The following TRAPPC8 variants were observed in gnomAD, a reference collection of about 807,000 sequenced individuals.
TRAPPC8 encodes trafficking protein particle complex subunit 8, also known as general sporulation gene 1 homolog.
TRAPPC8 carries 54 observed loss-of-function variants against 174.3 expected under a neutral mutation model. The observed-to-expected ratio is 0.31, with a 90% CI of 0.25 to 0.39. The LOEUF is 0.39. Ranked by LOEUF, TRAPPC8 falls within the 10% of genes least tolerant of loss-of-function variation. The probability of loss-of-function intolerance (pLI) is 1.00; values close to 1 mark genes in which losing one functional copy is unlikely to be tolerated. For synonymous variants in TRAPPC8, 630 were observed against 579.9 expected (o/e 1.09, Z -1.24); for missense variants, 1,531 against 1,699.1 (o/e 0.90, Z 1.74).
chr18:31,907,261 G>T (rs1204435942), intron 9 of TRAPPC8, among the ~76,000 whole-genome samples, 199 bp downstream of exon 9: 1 of 152,094 alleles, frequency 6.6e-6, no homozygotes, highest in African/African-American at 2.4e-5. Flanking sequence ...GGAACTACAG[G>T]CATGTGCCAC....
At chr18:31,831,714 T>C (rs972024537) in intron 28 of TRAPPC8, among the ~76,000 whole-genome samples, 10 of 152,168 alleles carry the variant, frequency 6.6e-5, no homozygotes, top group Admixed American at 1.3e-4. Context: ...AGGTGTGTGT[T>C]TGGATTTCAG....
In TRAPPC8 at chr18:31,872,462, T is replaced by C. The variant is rs137955599; in HGVS notation, c.2062+968A>G. Among the ~76,000 whole-genome samples, 1,161 of 152,066 alleles carry C rather than the reference T, an allele frequency of 7.6e-3. 15 individuals carry two copies. Among genetic ancestry groups the C allele is most frequent in the African/African-American group, 0.027 (1,103 of 41,506 alleles). On this transcript the variant is annotated intron_variant, in intron 14 of 28. Transcript: ENST00000283351. ...ATACGATTTTTTTTTTTTGAGACAG[T>C]CTTGCTGGAGCGCAGTGGCGAGATC...
chr18:31,892,081 C>T (rs1356361341), intron 11 of TRAPPC8, among the ~76,000 whole-genome samples: 2 of 151,952 alleles, frequency 1.3e-5, no homozygotes, highest in Non-Finnish European at 2.9e-5. Flanking sequence ...AGCTTGGGAG[C>T]CTATTTTATT....
intron 1 of TRAPPC8, among the ~76,000 whole-genome samples, chr18:31,941,578 G>GC (rs1555684431): frequency 3.3e-5 from 5 of 151,978 alleles, no homozygotes; most frequent in Non-Finnish European, 7.4e-5. Flanking sequence ...TCCAAACTTT[G>GC]TTTTTTTGGA....
At chr18:31,866,602 G>GA (rs1284300152) in intron 18 of TRAPPC8, among the ~76,000 whole-genome samples, 1 of 151,964 alleles carries the variant, frequency 6.6e-6, no homozygotes, top group African/African-American at 2.4e-5. Context: ...ATCAGTGACA[G>GA]AAAAAAATAC....
intron 12 of TRAPPC8, among the ~76,000 whole-genome samples, chr18:31,884,360 G>A (rs761604285): frequency 2.6e-5 from 4 of 152,158 alleles, no homozygotes; most frequent in Non-Finnish European, 4.4e-5. Flanking sequence ...AAATACCAGC[G>A]TGTGCTAAAA....
Position 31,907,456 on chromosome 18 carries a change from C to T in TRAPPC8, c.1389+4G>A. The stretch of plus-strand genomic sequence containing the variant: ...AAGGAATTATAATACCATAGAATAC[C>T]AACCAAGGCACCAGCTGCATAAAGC... On this transcript the variant is annotated splice_donor_region_variant and intron_variant, in intron 9 of 28. Coordinates refer to ENST00000283351, the MANE Select transcript of TRAPPC8 (RefSeq NM_014939.5). 2 of 1,563,592 alleles carry T rather than the reference C, an allele frequency of 1.3e-6. No individual in the cohort carries two copies. The highest frequency in any genetic ancestry group is 1.8e-5 in the Admixed American group (1 of 55,332).
intron 12 of TRAPPC8, among the ~76,000 whole-genome samples, chr18:31,886,290 T>G (rs1568092274): frequency 7.0e-6 from 1 of 143,506 alleles, no homozygotes; most frequent in Non-Finnish European, 1.5e-5. Context: ...ATTACAGGTG[T>G]GAGCCAATAC....
chr18:31,830,685 T>A lies in TRAPPC8; in HGVS notation c.*70A>T. 1 of 1,326,516 alleles carries A rather than the reference T, an allele frequency of 7.5e-7. No homozygotes were observed. Among genetic ancestry groups the A allele is most frequent in the Non-Finnish European group, 1.0e-6 (1 of 957,734 alleles). 82.2% of individuals were successfully genotyped at this position (1,326,516 alleles called of 1,614,324 possible). Reference sequence around the variant, plus strand: ...CAACCTCCATAACAAGTTAGGTATATCAAATACTGCTGTAAAACCCATCCA... The same window carrying A: ...CAACCTCCATAACAAGTTAGGTATAACAAATACTGCTGTAAAACCCATCCA... On this transcript the variant is annotated 3_prime_UTR_variant, in exon 29 of 29. Coordinates refer to ENST00000283351, the MANE Select transcript of TRAPPC8 (RefSeq NM_014939.5).
At chr18:31,889,691 C>T (rs189849380) in intron 12 of TRAPPC8, among the ~76,000 whole-genome samples, 26 of 152,136 alleles carry the variant, frequency 1.7e-4, no homozygotes, top group Non-Finnish European at 3.1e-4. Context: ...ATTATAAAGA[C>T]GTTTAATTTT....
intron 1 of TRAPPC8, among the ~76,000 whole-genome samples, chr18:31,934,738 G>A (rs964504318): frequency 4.0e-5 from 6 of 151,102 alleles, no homozygotes; most frequent in East Asian, 2.0e-4. Context: ...ATGGTGGCAC[G>A]TGCCTGTAAT....
chr18:31,867,534 C>T (rs1199326261), intron 16 of TRAPPC8, 58 bp from the exon 17 acceptor site: 2 of 1,146,250 alleles, frequency 1.7e-6, no homozygotes, highest in African/African-American at 1.6e-5. Context: ...AGATTATTAA[C>T]ACTCCTATAT....
At chr18:31,886,100 G>C (rs2035699225) in intron 12 of TRAPPC8, among the ~76,000 whole-genome samples, 1 of 151,034 alleles carries the variant, frequency 6.6e-6, no homozygotes, top group African/African-American at 2.4e-5. Flanking sequence ...CCACCTCCCG[G>C]GTTCAAGCAA....
In TRAPPC8 at chr18:31,911,039, G is replaced by C. The variant is rs146124765; in HGVS notation, c.772-1279C>G. On this transcript the variant is annotated intron_variant, in intron 5 of 28. Coordinates refer to ENST00000283351, the MANE Select transcript of TRAPPC8 (RefSeq NM_014939.5). ...CTAAAGTCAGTAAAATACCATGATA[G>C]CACTACATTTAGATTTAAAGATTCC... Among the ~76,000 whole-genome samples the C allele has an allele frequency of 2.7e-3, 407 of 152,174 alleles. 3 individuals carry two copies. The highest frequency in any genetic ancestry group is 3.4e-3 in the Non-Finnish European group (230 of 68,004).
chr18:31,849,298 G>A (rs552621241), intron 25 of TRAPPC8, among the ~76,000 whole-genome samples: 19 of 151,790 alleles, frequency 1.3e-4, no homozygotes, highest in African/African-American at 4.4e-4. Flanking sequence ...GAAATGCCCC[G>A]AACAGTTTAA....
intron 12 of TRAPPC8, among the ~76,000 whole-genome samples, chr18:31,887,317 T>G (rs1014666648): frequency 5.3e-5 from 8 of 152,112 alleles, no homozygotes; most frequent in African/African-American, 1.7e-4. Flanking sequence ...TTAAAAACTC[T>G]CAATAAACTG....
chr18:31,892,810 A>G (rs72930234), intron 11 of TRAPPC8, among the ~76,000 whole-genome samples: 1,822 of 152,200 alleles, frequency 0.012, 19 homozygotes, highest in Non-Finnish European at 0.02. Flanking sequence ...GATCGTTTTG[A>G]GCCAAAGCGT....
intron 19 of TRAPPC8, among the ~76,000 whole-genome samples, chr18:31,859,473 G>A (rs1053089289): frequency 1.3e-5 from 2 of 152,060 alleles, no homozygotes; most frequent in African/African-American, 2.4e-5. Context: ...GCTTATAGTC[G>A]AGCTAAAACT....
rs1491572903 is a variant in TRAPPC8 at position 31,880,122 on chromosome 18, T to TATATATA, written c.1729-5419_1729-5418insTATATAT. ...ATATATATATATATATATATATATATTTTTTTTTTTTTAAGGAAGAAAGAT... is the reference window on the plus strand; with the variant it reads ...ATATATATATATATATATATATATATATATATATTTTTTTTTTTTAAGGAAGAAAGAT... On this transcript the variant is annotated intron_variant, in intron 12 of 28. Coordinates refer to ENST00000283351, the MANE Select transcript of TRAPPC8 (RefSeq NM_014939.5). Among the ~76,000 whole-genome samples, 496 of 65,624 alleles carry TATATATA rather than the reference T, an allele frequency of 7.6e-3. 2 individuals are homozygous for TATATATA. Among genetic ancestry groups the TATATATA allele is most frequent in the Non-Finnish European group, 0.012 (401 of 33,440 alleles). The allele number at this position is 65,624 out of a possible 152,430, so 43.1% of individuals were successfully genotyped here. A position where few individuals can be genotyped will look rare whatever the true frequency, so the allele number is the denominator to read the frequency against.
Sources: gnomAD v4.1 joint callset for allele counts (sites outside exome capture counted in the v4.1 genomes callset) on GRCh38, gnomAD v4.1.1 for gene constraint, MANE v1.5 for transcripts, NCBI Gene and HGNC (gene_info 2026-07-23, HGNC 2026-07-21) for gene names.